The following ANKRD30A variants were observed in gnomAD, a reference collection of about 807,000 sequenced individuals.
The protein encoded by ANKRD30A is ankyrin repeat domain 30A, also known as ankyrin repeat domain-containing protein 30A.
Under a neutral mutation model 166.3 loss-of-function variants are expected in ANKRD30A, and 170 were observed. The observed-to-expected ratio is 1.02, with a 90% confidence interval of 0.90 to 1.16. The LOEUF is 1.16. ANKRD30A is among the 50% of genes most tolerant of loss of function. The probability of loss-of-function intolerance (pLI) is 0.00; values close to 1 mark genes in which losing one functional copy is unlikely to be tolerated. For missense variants in ANKRD30A, 1,630 were observed against 1,518.0 expected, an observed-to-expected ratio of 1.07 and a Z score of -1.23; for synonymous variants, 564 against 508.9, an observed-to-expected ratio of 1.11 and a Z score of -1.46.
rs767321142 is a variant in ANKRD30A at position 37,162,666 on chromosome 10, T to G, written c.1918T>G (p.Ser640Ala). ...TFKAEPPGKP[S>A]AFEPATEMQK... ...CTTTTTAGAGCCTCCGGGGAAGCCA[T>G]CTGCCTTCGAGGTATTTAGTTTTAT... Residue 640 changes from serine (S) to alanine (A), a missense_variant, in exon 16 of 36, where the codon TCT becomes GCT. Around this residue, in one of 4 missense-constraint regions of ANKRD30A, gnomAD observed 904 missense variants for 818.5 expected, o/e 1.10. Coordinates refer to ENST00000361713, the MANE Select transcript of ANKRD30A (RefSeq NM_052997.3). The G allele has an allele frequency of 2.5e-6, 4 of 1,612,316 alleles. No homozygotes were observed. The African/African-American group carries it at 5.3e-5, about 22-fold the overall frequency.
chr10:37,249,275 TA>T, the ANKRD30A span, among the ~76,000 whole-genome samples: 2 of 152,344 alleles, frequency 1.3e-5, no homozygotes, highest in Non-Finnish European at 2.9e-5. Context: ...TAAAGATACT[TA>T]AGTGACTAAT....
At chr10:37,245,492 T>C in the ANKRD30A span, among the ~76,000 whole-genome samples, 22 of 152,122 alleles carry the variant, frequency 1.4e-4, no homozygotes, top group Non-Finnish European at 2.2e-4. Flanking sequence ...CTTGTTGAAA[T>C]TGTAATGGGA....
intron 15 of ANKRD30A, among the ~76,000 whole-genome samples, chr10:37,161,197 A>G (rs1838831896): frequency 1.3e-5 from 2 of 152,200 alleles, no homozygotes; most frequent in African/African-American, 2.4e-5. Context: ...GCAAAAGGAG[A>G]GGCCTTTCAT....
chr10:37,263,801 C>A, the ANKRD30A span, among the ~76,000 whole-genome samples: 2 of 152,044 alleles, frequency 1.3e-5, no homozygotes, highest in Non-Finnish European at 2.9e-5. Context: ...GGGTTGGGGC[C>A]CACTGCCCTA....
At chr10:37,201,969 G>C (rs114506566) in intron 31 of ANKRD30A, among the ~76,000 whole-genome samples, 5 of 151,982 alleles carry the variant, frequency 3.3e-5, no homozygotes, top group African/African-American at 4.8e-5. Context: ...GGGAAACCTA[G>C]TTAACAATTC....
At chr10:37,203,923 A>G (rs987651676) in intron 31 of ANKRD30A, among the ~76,000 whole-genome samples, 12 of 152,308 alleles carry the variant, frequency 7.9e-5, no homozygotes, top group Admixed American at 3.3e-4. Flanking sequence ...TAGGAATCCA[A>G]CTTACAAGGG....
chr10:37,262,657 T>G, the ANKRD30A span: 3 of 153,578 alleles, frequency 2.0e-5, no homozygotes, highest in Non-Finnish European at 4.4e-5. Context: ...AAATTTGTTA[T>G]GTAAAAATTG....
chr10:37,125,961 A>G lies in ANKRD30A; in HGVS notation c.174A>G (p.Thr58=). 6.2e-7 allele frequency: 1 copy of G among 1,612,112 alleles called. No individual in the cohort carries two copies. The highest frequency in any genetic ancestry group is 8.5e-7 in the Non-Finnish European group (1 of 1,179,960). ...RGQVRKLEKM[T]KRKKTINLNI... ...AAGTCCGGAAGCTGGAGAAGATGAC[A>G]AAGAGGAAGAAGACCATCAACCTTA... Residue 58 remains threonine (T), a synonymous_variant, in exon 1 of 36, where the codon ACA becomes ACG. Transcript: ENST00000361713.
chr10:37,141,624 A>G (rs1387699238), intron 6 of ANKRD30A, 94 bp from the exon 7 acceptor site: 2 of 1,501,570 alleles, frequency 1.3e-6, no homozygotes, highest in Admixed American at 2.1e-5. Flanking sequence ...GTATTTAAGG[A>G]AAGCATACAG....
intron 21 of ANKRD30A, among the ~76,000 whole-genome samples, chr10:37,172,466 G>A (rs1839649461): frequency 8.1e-6 from 1 of 123,406 alleles, no homozygotes; most frequent in Non-Finnish European, 1.7e-5. Flanking sequence ...CAAAGAGAAA[G>A]GAAATGTTGA....
the ANKRD30A span, among the ~76,000 whole-genome samples, chr10:37,242,527 G>A: frequency 6.6e-6 from 1 of 152,018 alleles, no homozygotes; most frequent in African/African-American, 2.4e-5. Flanking sequence ...ATGGATTCAT[G>A]GTTCATTCTG....
At chr10:37,177,766 GT>G in intron 24 of ANKRD30A, 3 of 1,328,496 alleles carry the variant, frequency 2.3e-6, no homozygotes, top group Admixed American at 1.9e-5. Flanking sequence ...GGTAAGAACC[GT>G]TTTTTATTTA....
intron 5 of ANKRD30A, among the ~76,000 whole-genome samples, chr10:37,136,112 G>GA (rs34701349): frequency 0.57 from 85,814 of 151,852 alleles, 24,798 homozygotes; most frequent in African/African-American, 0.64. Context: ...GTTTTATTGG[G>GA]ATTTTAAAAC....
At chr10:37,197,986 G>T (rs1439039007) in intron 29 of ANKRD30A, among the ~76,000 whole-genome samples, 4 of 152,024 alleles carry the variant, frequency 2.6e-5, no homozygotes, top group Non-Finnish European at 5.9e-5. Context: ...GTGCCTGTGT[G>T]TGCCTGTGTA....
intron 1 of ANKRD30A, 84 bp downstream of exon 1, chr10:37,126,092 G>A (rs1407564176): frequency 2.7e-6 from 4 of 1,460,966 alleles, no homozygotes; most frequent in Admixed American, 1.8e-5. Flanking sequence ...GGGCTGGGGG[G>A]CCTGGGGAAG....
intron 27 of ANKRD30A, among the ~76,000 whole-genome samples, chr10:37,193,701 C>CTG (rs1274937175): frequency 6.6e-6 from 1 of 151,866 alleles, no homozygotes; most frequent in African/African-American, 2.4e-5. Flanking sequence ...TATTAGATGA[C>CTG]TGTGTGTTTG....
intron 27 of ANKRD30A, 117 bp from the exon 28 acceptor site, chr10:37,197,164 A>T: frequency 7.1e-7 from 1 of 1,409,068 alleles, no homozygotes; most frequent in Non-Finnish European, 1.0e-6. Context: ...TCCAAATCTA[A>T]AGTATTCATT....
At chr10:37,208,207 AAG>A (rs936862576) in intron 31 of ANKRD30A, among the ~76,000 whole-genome samples, 12 of 152,236 alleles carry the variant, frequency 7.9e-5, no homozygotes, top group African/African-American at 2.9e-4. Context: ...GCAATTCACT[AAG>A]AGCTTTTCCT....
intron 27 of ANKRD30A, among the ~76,000 whole-genome samples, chr10:37,193,765 G>T (rs566456536): frequency 6.6e-4 from 101 of 152,050 alleles, no homozygotes; most frequent in African/African-American, 2.3e-3. Context: ...GATGACTCTT[G>T]TCTAGACACG....
Sources: allele counts gnomAD v4.1 joint callset (sites outside exome capture counted in the v4.1 genomes callset), GRCh38; gene constraint gnomAD v4.1.1; regional missense constraint gnomAD v4.1.1; transcripts MANE v1.5; gene names NCBI Gene and HGNC (gene_info 2026-07-23, HGNC 2026-07-21).